MAD1L1: variants seen among roughly 807,000 people sequenced by gnomAD.
MAD1L1 encodes mitotic spindle assembly checkpoint protein MAD1.
Under a neutral mutation model 96.9 loss-of-function variants are expected in MAD1L1, and 95 were observed. The ratio of observed to expected loss-of-function variants is 0.98; its 90% confidence interval spans 0.83 to 1.16. MAD1L1 has a LOEUF of 1.16. Among genes scored for constraint, MAD1L1 ranks in the 50% most tolerant of loss-of-function variants. The pLI, the probability that MAD1L1 is intolerant of heterozygous loss-of-function variation, is 0.00. For missense variants in MAD1L1, 1,007 were observed against 954.4 expected, an observed-to-expected ratio of 1.06 and a Z score of -0.73; for synonymous variants, 473 against 396.6, an observed-to-expected ratio of 1.19 and a Z score of -2.29.
At chr7:2,132,811 G>C (rs59502672) in intron 11 of MAD1L1, among the ~76,000 whole-genome samples, 111 of 152,332 alleles carry the variant, frequency 7.3e-4, no homozygotes, top group African/African-American at 2.6e-3. Flanking sequence ...CTGTTACTGT[G>C]TGGTTCCCGA....
At position 2,088,281 on chromosome 7, in the gene MAD1L1, A is replaced by G. The variant is rs1006151257; in HGVS notation, c.1074-18943T>C. On this transcript the variant is annotated intron_variant, in intron 11 of 18. Coordinates refer to ENST00000265854, the MANE Select transcript of MAD1L1 (RefSeq NM_001013836.2). This position sits in a 1 kb window ranked among gnomAD's most constrained non-coding sequence, Gnocchi z 4.4. ...GACGGGCCTGTTGCCGCTGGAACAC[A>G]ATCCAGGCCCCCATCACAGGCTGCG... Among the ~76,000 whole-genome samples the G allele has an allele frequency of 1.3e-5, 2 of 152,108 alleles. No homozygotes were observed. The highest frequency in any genetic ancestry group is 2.4e-5 in the African/African-American group (1 of 41,410).
chr7:2,159,529 C>T (rs1316066693), intron 10 of MAD1L1, among the ~76,000 whole-genome samples: 1 of 152,198 alleles, frequency 6.6e-6, no homozygotes, highest in East Asian at 1.9e-4. Context: ...TAGTGTCTTT[C>T]CCCCTCCACT....
At chr7:2,070,512 C>A (rs1400240096) in intron 11 of MAD1L1, among the ~76,000 whole-genome samples, 1 of 152,184 alleles carries the variant, frequency 6.6e-6, no homozygotes, top group Non-Finnish European at 1.5e-5. Context: ...AAGGACACAG[C>A]CAGGAAAGAA....
At chr7:2,132,135 C>T (rs915187234) in intron 11 of MAD1L1, among the ~76,000 whole-genome samples, 3 of 152,180 alleles carry the variant, frequency 2.0e-5, no homozygotes, top group Non-Finnish European at 2.9e-5. Context: ...ATCTTACTTG[C>T]TAATTTTTGT....
At chr7:1,887,876 C>A (rs1786212069) in intron 18 of MAD1L1, among the ~76,000 whole-genome samples, 1 of 18,644 alleles carries the variant, frequency 5.4e-5, no homozygotes, top group Non-Finnish European at 8.8e-5. Flanking sequence ...TGTGTGCAAG[C>A]ATGCGTGTGT....
intron 14 of MAD1L1, among the ~76,000 whole-genome samples, chr7:1,986,853 T>G (rs1011882598): frequency 3.3e-5 from 5 of 152,112 alleles, no homozygotes; most frequent in Non-Finnish European, 7.4e-5. Flanking sequence ...GACTCATAAG[T>G]AAGCTCCCAA....
At chr7:1,938,901 G>T (rs867618487) in intron 16 of MAD1L1, among the ~76,000 whole-genome samples, 1 of 61,280 alleles carries the variant, frequency 1.6e-5, no homozygotes, top group Non-Finnish European at 2.7e-5. Flanking sequence ...GGCCAGAGGC[G>T]CGCACACACA....
intron 18 of MAD1L1, among the ~76,000 whole-genome samples, chr7:1,871,004 C>A (rs543397545): frequency 7.0e-6 from 1 of 143,596 alleles, no homozygotes; most frequent in African/African-American, 2.6e-5. Context: ...CCGAACCAAC[C>A]GTAACACCTG....
chr7:2,076,603 C>T (rs759485685), intron 11 of MAD1L1, among the ~76,000 whole-genome samples: 7 of 152,350 alleles, frequency 4.6e-5, no homozygotes, highest in Middle Eastern at 6.8e-3. Flanking sequence ...CCGAGGCTTC[C>T]GGGCTGATGA....
At chr7:1,896,250 C>A (rs920250086) in intron 18 of MAD1L1, among the ~76,000 whole-genome samples, 2 of 152,230 alleles carry the variant, frequency 1.3e-5, no homozygotes, top group Non-Finnish European at 2.9e-5. Flanking sequence ...GCTGAAAGTC[C>A]GGCCACTGGC....
intron 18 of MAD1L1, among the ~76,000 whole-genome samples, chr7:1,839,699 G>A (rs1489828939): frequency 6.6e-6 from 1 of 152,168 alleles, no homozygotes; most frequent in Non-Finnish European, 1.5e-5. Context: ...AGATACAGAA[G>A]GGCTCTAGGC....
At chr7:2,132,448 G>A (rs974246621) in intron 11 of MAD1L1, among the ~76,000 whole-genome samples, 1 of 151,312 alleles carries the variant, frequency 6.6e-6, no homozygotes, top group Non-Finnish European at 1.5e-5. Flanking sequence ...CCACCATCAC[G>A]GCCGCGTGCA....
intron 3 of MAD1L1, among the ~76,000 whole-genome samples, chr7:2,226,450 T>C (rs542581542): frequency 4.7e-5 from 7 of 149,196 alleles, no homozygotes; most frequent in African/African-American, 7.4e-5. Flanking sequence ...TGAGCTGAGC[T>C]CCTGGGGGCC....
At chr7:2,050,653 G>T (rs1166090247) in intron 12 of MAD1L1, among the ~76,000 whole-genome samples, 2 of 149,234 alleles carry the variant, frequency 1.3e-5, no homozygotes, top group East Asian at 2.0e-4. Flanking sequence ...GTGGTGCAGG[G>T]AACTTACAAG....
rs1780276281 is a variant in MAD1L1 at position 1,968,610 on chromosome 7, C to CACT, written c.1506-10892_1506-10891insAGT. On this transcript the variant is annotated intron_variant, in intron 15 of 18. Transcript: ENST00000265854. The surrounding 1 kb of genome is among the most constrained non-coding windows in gnomAD (Gnocchi z 5.6). ...CACGCCTCAGTCCGGCAGTCAGGTC[C>CACT]GCTGTCAACGCCTCAGTCCAGCGGT... Among the ~76,000 whole-genome samples, 1 of 152,098 alleles carries CACT rather than the reference C, an allele frequency of 6.6e-6. No homozygotes were observed. The highest frequency in any genetic ancestry group is 2.4e-5 in the African/African-American group (1 of 41,416).
intron 12 of MAD1L1, among the ~76,000 whole-genome samples, chr7:2,060,074 C>T (rs558324212): frequency 3.3e-5 from 5 of 151,534 alleles, no homozygotes; most frequent in East Asian, 1.9e-4. Flanking sequence ...TATCAAGATA[C>T]GCTGATGCCA....
intron 18 of MAD1L1, among the ~76,000 whole-genome samples, chr7:1,855,050 A>G (rs534670049): frequency 1.3e-5 from 2 of 152,324 alleles, no homozygotes; most frequent in Non-Finnish European, 2.9e-5. Context: ...TGAAGAAGGC[A>G]TCGGCGGCTG....
intron 12 of MAD1L1, among the ~76,000 whole-genome samples, chr7:2,063,100 TTC>T (rs1236912837): frequency 2.0e-5 from 3 of 152,258 alleles, no homozygotes; most frequent in Non-Finnish European, 2.9e-5. Context: ...GCGGAGGCTG[TTC>T]TGTTTCTTAC....
At chr7:2,094,818 A>C (rs1786398929) in intron 11 of MAD1L1, among the ~76,000 whole-genome samples, 1 of 152,106 alleles carries the variant, frequency 6.6e-6, no homozygotes, top group Non-Finnish European at 1.5e-5. Flanking sequence ...GGCAAAAGTG[A>C]CCCAGGGCGA....
Sources: allele counts gnomAD v4.1 joint callset (sites outside exome capture counted in the v4.1 genomes callset), GRCh38; gene constraint gnomAD v4.1.1; non-coding constraint Gnocchi (gnomAD v3.1); transcripts MANE v1.5; gene names NCBI Gene and HGNC (gene_info 2026-07-23, HGNC 2026-07-21).